ATP13A5: variants seen among roughly 807,000 people sequenced by gnomAD.
The protein encoded by ATP13A5 is probable cation-transporting ATPase 13A5.
ATP13A5 carries 149 observed loss-of-function variants against 150.2 expected under a neutral mutation model. The observed-to-expected ratio is 0.99, with a 90% confidence interval of 0.87 to 1.14. ATP13A5 has a LOEUF of 1.14. ATP13A5 is among the 50% of genes most tolerant of loss of function. The pLI, the probability that ATP13A5 is intolerant of heterozygous loss-of-function variation, is 0.00. For synonymous variants in ATP13A5, 497 were observed against 522.2 expected (o/e 0.95, Z 0.66); for missense variants, 1,383 against 1,449.3 (o/e 0.95, Z 0.74).
At position 193,274,954 on chromosome 3, in the gene ATP13A5, G is replaced by T. The variant is rs1344769014; in HGVS notation, c.*88C>A. The stretch of plus-strand genomic sequence containing the variant: ...GAATGCTTGAATGGAGAGAGGAAAG[G>T]TAAGGGGAGAGTATCATCACTTCTC... On this transcript the variant is annotated 3_prime_UTR_variant, in exon 30 of 30. Transcript: ENST00000342358. 2.0e-6 allele frequency: 3 copies of T among 1,520,854 alleles called. No individual in the cohort carries two copies. The highest frequency in any genetic ancestry group is 1.9e-4 in the Middle Eastern group (1 of 5,264). 94.2% of individuals were successfully genotyped at this position (1,520,854 alleles called of 1,614,324 possible).
chr3:193,282,295 T>C lies in ATP13A5; in HGVS notation c.3226+2619A>G, dbSNP rs189402803. On this transcript the variant is annotated intron_variant, in intron 27 of 29. Transcript: ENST00000342358. ...TTCATGTATAACAACATACATTTCC[T>C]GTGTATTAGTAATAATTCGTTAATA... Among the ~76,000 whole-genome samples, 275 of 152,348 alleles carry C rather than the reference T, an allele frequency of 1.8e-3. 1 individual carries two copies. The Middle Eastern group carries it at 0.02, about 11-fold the overall frequency.
intron 24 of ATP13A5, 44 bp from the exon 25 acceptor site, chr3:193,299,247 C>T (rs778878646): frequency 6.8e-7 from 1 of 1,465,980 alleles, no homozygotes; most frequent in Non-Finnish European, 9.5e-7. Context: ...CATCTGCCAT[C>T]ATAGCCTATT....
Position 193,362,380 on chromosome 3 carries a change from C to A in ATP13A5, c.536+1G>T. On this transcript the variant is annotated splice_donor_variant, in intron 5 of 29. Transcript: ENST00000342358. LOFTEE classifies it high-confidence loss of function. ...CTCTTAAGGCATATAATAAGTCCTA[C>A]CTGACCTCTTGCTCTTCACTGGTCA... The A allele has an allele frequency of 6.2e-7, 1 of 1,613,566 alleles. No homozygotes were observed. The highest frequency in any genetic ancestry group is 8.5e-7 in the Non-Finnish European group (1 of 1,179,558).
At chr3:193,375,148 C>T (rs937843729) in intron 1 of ATP13A5, among the ~76,000 whole-genome samples, 1 of 152,200 alleles carries the variant, frequency 6.6e-6, no homozygotes, top group African/African-American at 2.4e-5. Context: ...CCGTTTCACC[C>T]AGTATTTCTC....
At position 193,362,813 on chromosome 3, in the gene ATP13A5, C is replaced by CTTTG. The variant is rs59105884; in HGVS notation, c.385-177_385-176insCAAA. On this transcript the variant is annotated intron_variant, in intron 3 of 29. Transcript: ENST00000342358. ...TCTTTCTTTCTTTCTTTCTTTCTTT[C>CTTTG]AGACAGGGTCTCACTCTGTCACCCA... 5.3e-3 allele frequency among the ~76,000 whole-genome samples: 591 copies of CTTTG among 112,074 alleles called. 116 individuals are homozygous for CTTTG. Among genetic ancestry groups the CTTTG allele is most frequent in the African/African-American group, 0.011 (353 of 30,816 alleles). 73.5% of individuals were successfully genotyped at this position (112,074 alleles called of 152,430 possible).
intron 21 of ATP13A5, 33 bp downstream of exon 21, chr3:193,310,605 G>T: frequency 6.6e-7 from 1 of 1,524,328 alleles, no homozygotes; most frequent in Non-Finnish European, 8.9e-7. Context: ...AAGAGTTAAT[G>T]AGCACACTCT....
intron 25 of ATP13A5, among the ~76,000 whole-genome samples, chr3:193,297,824 C>A (rs937233612): frequency 6.6e-6 from 1 of 152,084 alleles, no homozygotes; most frequent in Non-Finnish European, 1.5e-5. Context: ...TGTGCAAAAG[C>A]TCCAAATAAC....
At position 193,333,814 on chromosome 3, in the gene ATP13A5, A is replaced by T; in HGVS notation, c.1208T>A (p.Val403Glu). 6.2e-7 allele frequency: 1 copy of T among 1,614,004 alleles called. No individual in the cohort carries two copies. The highest frequency in any genetic ancestry group is 8.5e-7 in the Non-Finnish European group (1 of 1,179,900). ...KLYSDAFKFI[V>E]FLACLGVMGF... ...CATGACACCAAGGCAGGCCAGGAACACGATGAACTTGAAGGCATCGCTGTA... is the reference window on the plus strand; with the variant it reads ...CATGACACCAAGGCAGGCCAGGAACTCGATGAACTTGAAGGCATCGCTGTA... Residue 403 changes from valine (V) to glutamate (E), a missense_variant, in exon 11 of 30, where the codon GTG (valine) becomes GAG (glutamate). Transcript: ENST00000342358.
At chr3:193,338,871 T>C (rs1485389772) in intron 9 of ATP13A5, among the ~76,000 whole-genome samples, 1 of 152,176 alleles carries the variant, frequency 6.6e-6, no homozygotes. Context: ...TCCTGGACTT[T>C]TTTTGGTTGG....
chr3:193,335,976 T>C (rs1338681815), intron 9 of ATP13A5, among the ~76,000 whole-genome samples: 1 of 152,176 alleles, frequency 6.6e-6, no homozygotes, highest in Non-Finnish European at 1.5e-5. Flanking sequence ...AATAAAGATG[T>C]TAATAATAAT....
At chr3:193,301,831 TG>T (rs1258951553) in intron 23 of ATP13A5, among the ~76,000 whole-genome samples, 1 of 152,070 alleles carries the variant, frequency 6.6e-6, no homozygotes, top group African/African-American at 2.4e-5. Flanking sequence ...TGAGATTAAA[TG>T]GGTAAGGAAG....
At position 193,333,759 on chromosome 3, in the gene ATP13A5, C is replaced by T. The variant is rs1711732818; in HGVS notation, c.1263G>A (p.Met421Ile). ...MGFFYALGVYMYHGVPPKDTV... is the reference protein window; with the variant it reads ...MGFFYALGVYIYHGVPPKDTV... ...TACCCCCAGTACTTACTCCATGGTA[C>T]ATATATACCCCTAGGGCATAGAAAA... is the stretch of plus-strand genomic sequence containing the variant. Residue 421 changes from methionine to isoleucine, a missense_variant, in exon 11 of 30, where the codon ATG (methionine) becomes ATA (isoleucine). This residue lies in a region of ATP13A5 where 787 missense variants were observed against 771.9 expected (regional missense o/e 1.02). Transcript: ENST00000342358. 2 of 1,613,482 alleles carry T rather than the reference C, an allele frequency of 1.2e-6. No homozygotes were observed. Among genetic ancestry groups the T allele is most frequent in the Non-Finnish European group, 1.7e-6 (2 of 1,179,636 alleles).
intron 20 of ATP13A5, 64 bp downstream of exon 20, chr3:193,311,752 T>C: frequency 6.3e-7 from 1 of 1,590,790 alleles, no homozygotes; most frequent in South Asian, 1.2e-5. Context: ...TTCAATACTC[T>C]CCTCCTCCTT....
chr3:193,303,487 A>G (rs1351379282), intron 23 of ATP13A5, among the ~76,000 whole-genome samples: 1 of 152,146 alleles, frequency 6.6e-6, no homozygotes, highest in African/African-American at 2.4e-5. Context: ...TGCCTGATGC[A>G]TGAGAGACAC....
intron 29 of ATP13A5, among the ~76,000 whole-genome samples, chr3:193,275,788 T>C (rs953022400): frequency 6.6e-5 from 10 of 152,236 alleles, no homozygotes; most frequent in African/African-American, 2.4e-4. Flanking sequence ...CCATTTATAG[T>C]AATGAAATTG....
Position 193,310,634 on chromosome 3 carries a change from C to G in ATP13A5, c.2525+4G>C, listed in dbSNP as rs531888487. The G allele has an allele frequency of 6.2e-7, 1 of 1,601,784 alleles. No individual in the cohort carries two copies. The highest frequency in any genetic ancestry group is 1.1e-5 in the South Asian group (1 of 87,926). On this transcript the variant is annotated splice_donor_region_variant and intron_variant, in intron 21 of 29. Transcript: ENST00000342358. Reference sequence around the variant, plus strand: ...ACACTCTTCTTTCATGCCATGACACCTACTTTAATTTCTGAAATTCTTCAA... The same window carrying G: ...ACACTCTTCTTTCATGCCATGACACGTACTTTAATTTCTGAAATTCTTCAA...
intron 24 of ATP13A5, among the ~76,000 whole-genome samples, chr3:193,299,658 A>G (rs1718325794): frequency 6.6e-6 from 1 of 152,152 alleles, no homozygotes; most frequent in Admixed American, 6.6e-5. Flanking sequence ...ACTTTCACAA[A>G]CTGAACAAAG....
At chr3:193,322,663 T>C in intron 14 of ATP13A5, 89 bp from the exon 15 acceptor site, 1 of 926,972 alleles carries the variant, frequency 1.1e-6, no homozygotes, top group East Asian at 2.6e-5. Flanking sequence ...TTTAATCTTT[T>C]CAAAGCCATT....
At chr3:193,353,843 G>C (rs1712665374) in intron 6 of ATP13A5, among the ~76,000 whole-genome samples, 1 of 152,090 alleles carries the variant, frequency 6.6e-6, no homozygotes, top group East Asian at 1.9e-4. Flanking sequence ...TTTTGTTATA[G>C]CAACCCAGTG....
Sources: gnomAD v4.1 joint callset for allele counts (sites outside exome capture counted in the v4.1 genomes callset) on GRCh38, gnomAD v4.1.1 for gene constraint, gnomAD v4.1.1 regional missense constraint, MANE v1.5 for transcripts, NCBI Gene and HGNC (gene_info 2026-07-23, HGNC 2026-07-21) for gene names.